Variants in SLC16A6 observed in about 807,000 individuals in gnomAD.
SLC16A6 encodes the protein solute carrier family 16 member 6.
SLC16A6 carries 15 observed loss-of-function variants against 33.8 expected under a neutral mutation model. The ratio of observed to expected loss-of-function variants is 0.44; its 90% CI spans 0.30 to 0.68. The LOEUF (loss-of-function observed/expected upper bound fraction) is 0.68. SLC16A6 is among the 30% of genes least tolerant of loss of function. The pLI is 0.10. For synonymous variants in SLC16A6, 219 were observed against 248.4 expected, an observed-to-expected ratio of 0.88 and a Z score of 1.11; for missense variants, 451 against 661.5, an observed-to-expected ratio of 0.68 and a Z score of 3.49.
At chr17:68,270,620 A>T (rs2075308238) in intron 5 of SLC16A6, among the ~76,000 whole-genome samples, 4 of 151,438 alleles carry the variant, frequency 2.6e-5, no homozygotes, top group Admixed American at 2.6e-4. Context: ...TGAATCGACC[A>T]CTAATTTACC....
rs563496138 is a variant in SLC16A6 at position 68,280,252 on chromosome 17, A to T, written c.-7-1925T>A. Among the ~76,000 whole-genome samples, 16 of 152,216 alleles carry T rather than the reference A, an allele frequency of 1.1e-4. No individual in the cohort carries two copies. The East Asian group carries it at 2.9e-3, about 28-fold the overall frequency. On this transcript the variant is annotated intron_variant, in intron 1 of 5. Transcript: ENST00000580666. Reference sequence around the variant, plus strand: ...ATCTACAGAGTGGATTCCTATCAAAATACCAATGACATTCTTCACAGAAAT... The same window carrying T: ...ATCTACAGAGTGGATTCCTATCAAATTACCAATGACATTCTTCACAGAAAT...
chr17:68,281,178 T>C lies in SLC16A6; in HGVS notation c.-7-2851A>G, dbSNP rs111860834. On this transcript the variant is annotated intron_variant, in intron 1 of 5. Transcript: ENST00000580666. ...CAACCCACAGAAGGGTAGACAATAT[T>C]TGCAAACTATTCATCTGACAGGGGA... Among the ~76,000 whole-genome samples, 298 of 151,236 alleles carry C rather than the reference T, an allele frequency of 2.0e-3. 1 individual carries two copies. The highest frequency in any genetic ancestry group is 5.7e-3 in the African/African-American group (236 of 41,250).
rs2075327683 is a variant in SLC16A6, at chr17:68,271,191, G to GC, written c.968dup (p.Ile324HisfsTer2). 1 of 1,613,868 alleles carries GC rather than the reference G, an allele frequency of 6.2e-7. No individual in the cohort carries two copies. Among genetic ancestry groups the GC allele is most frequent in the Non-Finnish European group, 8.5e-7 (1 of 1,180,044 alleles). On this transcript the variant is annotated frameshift_variant, in exon 5 of 6. Transcript: ENST00000580666. LOFTEE classifies it high-confidence loss of function. This position sits in a 1 kb window ranked among gnomAD's most constrained non-coding sequence, Gnocchi z 5.3. ...AAAAAGCAGCGCGGTCCTGGTCAAT[G>GC]CCCAGACTAATGCCCAGAGGAATGA...
intron 1 of SLC16A6, among the ~76,000 whole-genome samples, chr17:68,278,620 T>G (rs2075600706): frequency 1.0e-5 from 1 of 99,528 alleles, no homozygotes; most frequent in Admixed American, 1.2e-4. Flanking sequence ...CTTTTTCCTT[T>G]TTTTTTTTTT....
chr17:68,278,225 G>A lies in SLC16A6; in HGVS notation c.96C>T (p.Phe32=), dbSNP rs2075587662. 1 of 1,614,180 alleles carries A rather than the reference G, an allele frequency of 6.2e-7. No homozygotes were observed. The highest frequency in any genetic ancestry group is 8.5e-7 in the Non-Finnish European group (1 of 1,180,026). ...GWGWAVAVSF[F]FVEVFTYGII... ...TGCCGTAGGTGAAGACTTCAACGAAGAAAAATGAAACAGCTACCGCCCAGC... is the reference window on the plus strand; with the variant it reads ...TGCCGTAGGTGAAGACTTCAACGAAAAAAAATGAAACAGCTACCGCCCAGC... The change falls in exon 2 of 6, where the codon TTC becomes TTT. Residue 32 remains phenylalanine (F), a synonymous_variant. Transcript: ENST00000580666.
chr17:68,276,784 C>A (rs1599523526), intron 2 of SLC16A6, among the ~76,000 whole-genome samples: 1 of 152,016 alleles, frequency 6.6e-6, no homozygotes, highest in East Asian at 1.9e-4. Flanking sequence ...GTTCAACAGC[C>A]CTTTTCTCTT....
At chr17:68,275,977 C>T (rs375232891) in intron 2 of SLC16A6, among the ~76,000 whole-genome samples, 5 of 147,498 alleles carry the variant, frequency 3.4e-5, no homozygotes, top group African/African-American at 1.0e-4. Context: ...AGCGAGACTC[C>T]GTCTCAAAAA....
intron 1 of SLC16A6, among the ~76,000 whole-genome samples, chr17:68,288,956 C>T: frequency 6.6e-6 from 1 of 152,198 alleles, no homozygotes; most frequent in East Asian, 1.9e-4. Flanking sequence ...GCCATCTTCC[C>T]TTCACCCTAG....
At position 68,286,598 on chromosome 17, in the gene SLC16A6, G is replaced by A. The variant is rs144967870; in HGVS notation, c.-8+4488C>T. Among the ~76,000 whole-genome samples the A allele has an allele frequency of 4.3e-3, 649 of 152,118 alleles. 4 individuals carry two copies. The highest frequency in any genetic ancestry group is 0.015 in the African/African-American group (611 of 41,492). On this transcript the variant is annotated intron_variant, in intron 1 of 5. Transcript: ENST00000580666. ...TGGCTCACTGCAACCTTAGCCTCCC[G>A]GGTTCAAGCGATTCTTCTGCCTCAG...
intron 1 of SLC16A6, among the ~76,000 whole-genome samples, chr17:68,286,741 G>C (rs1555754458): frequency 9.2e-5 from 14 of 152,132 alleles, no homozygotes. Context: ...CTGACCTCAA[G>C]TGATCTGCCC....
chr17:68,277,271 C>T (rs1286091103), intron 2 of SLC16A6, among the ~76,000 whole-genome samples: 1 of 151,904 alleles, frequency 6.6e-6, no homozygotes, highest in Non-Finnish European at 1.5e-5. Flanking sequence ...GCTGGGATTA[C>T]AGGCACATAC....
intron 2 of SLC16A6, among the ~76,000 whole-genome samples, chr17:68,275,749 A>T (rs1555750668): frequency 1.3e-5 from 2 of 152,226 alleles, no homozygotes; most frequent in Non-Finnish European, 1.5e-5. Context: ...TGGGAGGCCG[A>T]AGCAGGTGGA....
rs557067142 is a variant in SLC16A6 at position 68,267,229 on chromosome 17, A to C, written c.*1867T>G. Reference sequence around the variant, plus strand: ...AGCAGATCCCTCAGAAATCAGTTATAAATATTAAATTGTATTGAACATTCA... The same window carrying C: ...AGCAGATCCCTCAGAAATCAGTTATCAATATTAAATTGTATTGAACATTCA... On this transcript the variant is annotated 3_prime_UTR_variant, in exon 6 of 6. Transcript: ENST00000580666. 2 of 152,322 alleles carry C rather than the reference A, an allele frequency of 1.3e-5. No homozygotes were observed. Among genetic ancestry groups the C allele is most frequent in the Admixed American group, 1.3e-4 (2 of 15,306 alleles). The allele number at this position is 152,322 out of a possible 1,614,324, so 9.4% of individuals were successfully genotyped here.
chr17:68,280,745 A>G (rs1248347311), intron 1 of SLC16A6, among the ~76,000 whole-genome samples: 2 of 152,232 alleles, frequency 1.3e-5, no homozygotes. Flanking sequence ...TTTTATGGAT[A>G]AGACTGGAAG....
intron 1 of SLC16A6, among the ~76,000 whole-genome samples, chr17:68,285,945 G>C (rs1235309307): frequency 6.6e-6 from 1 of 152,080 alleles, no homozygotes; most frequent in Admixed American, 6.6e-5. Context: ...ATTTTTAGTA[G>C]AGACAGGGTT....
chr17:68,285,075 T>G (rs879978184), intron 1 of SLC16A6, among the ~76,000 whole-genome samples: 10 of 152,280 alleles, frequency 6.6e-5, no homozygotes, highest in Admixed American at 6.5e-4. Context: ...GACTAAAATA[T>G]TTGCTGATGA....
chr17:68,283,591 CG>C (rs2075768442), intron 1 of SLC16A6, among the ~76,000 whole-genome samples: 1 of 151,150 alleles, frequency 6.6e-6, no homozygotes, highest in African/African-American at 2.4e-5. Flanking sequence ...GAAGCTGAGG[CG>C]GGTGGATCAC....
chr17:68,270,752 T>TAAAAA (rs2075312507), intron 5 of SLC16A6, 87 bp downstream of exon 5: 5 of 1,195,074 alleles, frequency 4.2e-6, no homozygotes, highest in Non-Finnish European at 5.9e-6. Flanking sequence ...AAAACGGCAG[T>TAAAAA]AAGTTTTTTT....
rs184799063 is a variant in SLC16A6 at position 68,290,327 on chromosome 17, G to A, written c.-8+759C>T. The stretch of plus-strand genomic sequence containing the variant: ...ATGACCTGTCTTGCTAGGGTGGGGG[G>A]AATAAAAAGAAAAGACGACAACAAC... On this transcript the variant is annotated intron_variant, in intron 1 of 5. Transcript: ENST00000580666. Among the ~76,000 whole-genome samples, 872 of 152,262 alleles carry A rather than the reference G, an allele frequency of 5.7e-3. 3 individuals carry two copies. The highest frequency in any genetic ancestry group is 7.8e-3 in the Non-Finnish European group (530 of 68,016).
Sources: gnomAD v4.1 joint callset for allele counts (sites outside exome capture counted in the v4.1 genomes callset) on GRCh38, gnomAD v4.1.1 for gene constraint, Gnocchi (gnomAD v3.1) non-coding constraint, MANE v1.5 for transcripts, NCBI Gene and HGNC (gene_info 2026-07-23, HGNC 2026-07-21) for gene names.